Variants in FOXN3 observed in about 807,000 individuals in gnomAD.
FOXN3 encodes the protein forkhead box N3.
FOXN3 carries 7 observed loss-of-function variants against 38.4 expected under a neutral mutation model. That is an observed-to-expected ratio of 0.18 (90% CI 0.10 to 0.34). The LOEUF is 0.34. FOXN3 is among the 10% of genes least tolerant of loss of function. The pLI, the probability that FOXN3 is intolerant of heterozygous loss-of-function variation, is 1.00. For synonymous variants in FOXN3, 230 were observed against 242.2 expected, an observed-to-expected ratio of 0.95 and a Z score of 0.47; for missense variants, 456 against 613.4, an observed-to-expected ratio of 0.74 and a Z score of 2.71.
At chr14:89,277,286 C>T (rs887028763) in intron 4 of FOXN3, among the ~76,000 whole-genome samples, 1 of 152,190 alleles carries the variant, frequency 6.6e-6, no homozygotes, top group East Asian at 1.9e-4. Flanking sequence ...GGACACCTGT[C>T]AGCTGGCCAC....
At chr14:89,272,244 C>T (rs141699784) in intron 4 of FOXN3, among the ~76,000 whole-genome samples, 471 of 151,912 alleles carry the variant, frequency 3.1e-3, no homozygotes, top group African/African-American at 9.8e-3. Flanking sequence ...ACCCGGGAGG[C>T]GGAGGTTGCA....
At chr14:89,344,443 T>C (rs1412150468) in intron 3 of FOXN3, among the ~76,000 whole-genome samples, 4 of 152,162 alleles carry the variant, frequency 2.6e-5, no homozygotes, top group African/African-American at 4.8e-5. Context: ...CCATAAACCA[T>C]ACTGTTTGAT....
Position 89,229,921 on chromosome 14 carries a change from C to T in FOXN3, c.746-49115G>A, listed in dbSNP as rs951954486. 2.0e-5 allele frequency among the ~76,000 whole-genome samples: 3 copies of T among 152,210 alleles called. No individual in the cohort carries two copies. The South Asian group carries it at 6.2e-4, about 32-fold the overall frequency. On this transcript the variant is annotated intron_variant, in intron 4 of 5. Transcript: ENST00000557258. ...CTCAGGATGGCAGAAGTCCCTGGCTCCATGGCCCAGAATCCAAACAAAGCA... is the reference window on the plus strand; with the variant it reads ...CTCAGGATGGCAGAAGTCCCTGGCTTCATGGCCCAGAATCCAAACAAAGCA...
At chr14:89,188,832 A>C (rs996237021) in intron 4 of FOXN3, among the ~76,000 whole-genome samples, 2 of 151,794 alleles carry the variant, frequency 1.3e-5, no homozygotes, top group Non-Finnish European at 2.9e-5. Context: ...CCATCTAAGA[A>C]TGGAAGTTTA....
chr14:89,413,266 T>A (rs1891591549), intron 1 of FOXN3, among the ~76,000 whole-genome samples: 1 of 152,194 alleles, frequency 6.6e-6, no homozygotes, highest in African/African-American at 2.4e-5. Flanking sequence ...TAAAACAATA[T>A]GCTTGGTTTA....
intron 2 of FOXN3, among the ~76,000 whole-genome samples, chr14:89,374,389 C>T (rs922905588): frequency 1.3e-5 from 2 of 150,920 alleles, no homozygotes; most frequent in African/African-American, 4.9e-5. Flanking sequence ...AAGTTATACA[C>T]ATACTTGTAT....
intron 1 of FOXN3, among the ~76,000 whole-genome samples, chr14:89,476,482 A>G (rs1283560591): frequency 6.6e-6 from 1 of 152,248 alleles, no homozygotes; most frequent in Non-Finnish European, 1.5e-5. Flanking sequence ...GGGAGCTATG[A>G]GCTTTGAGCA....
chr14:89,232,696 C>A (rs1884851642), intron 4 of FOXN3, among the ~76,000 whole-genome samples: 1 of 152,182 alleles, frequency 6.6e-6, no homozygotes, highest in Admixed American at 6.5e-5. Flanking sequence ...GATGGAGCAA[C>A]CCCATTTCAG....
rs151099001 is a variant in FOXN3, at chr14:89,280,838, C to A, written c.745+112G>T. On this transcript the variant is annotated intron_variant, in intron 4 of 5. Transcript: ENST00000557258. ...ACAACAGTCACACTTCTCCAGAAAG[C>A]GGCCACTCCTAAACGGGACAGAACT... 13 of 791,218 alleles carry A rather than the reference C, an allele frequency of 1.6e-5. 1 individual carries two copies. The South Asian group carries it at 2.0e-4, about 12-fold the overall frequency. The allele number at this position is 791,218 out of a possible 1,614,324, so 49.0% of individuals were successfully genotyped here.
intron 2 of FOXN3, among the ~76,000 whole-genome samples, chr14:89,360,039 G>T (rs770765442): frequency 3.9e-4 from 60 of 152,196 alleles, no homozygotes; most frequent in Non-Finnish European, 8.8e-5. Context: ...ATATGCCACG[G>T]TCTCCCAGGA....
At chr14:89,439,347 T>A (rs1892331778) in intron 1 of FOXN3, among the ~76,000 whole-genome samples, 1 of 151,836 alleles carries the variant, frequency 6.6e-6, no homozygotes. Context: ...AAATGAGAGG[T>A]CAGCACAAGA....
At chr14:89,213,577 C>T (rs1046677240) in intron 4 of FOXN3, among the ~76,000 whole-genome samples, 2 of 152,158 alleles carry the variant, frequency 1.3e-5, no homozygotes, top group African/African-American at 4.8e-5. Flanking sequence ...TTTCTTGCAC[C>T]TTATCATTAT....
intron 4 of FOXN3, among the ~76,000 whole-genome samples, chr14:89,280,193 C>T (rs945856665): frequency 6.6e-6 from 1 of 152,164 alleles, no homozygotes; most frequent in Non-Finnish European, 1.5e-5. Context: ...AACAGATATC[C>T]AAAATAGCGA....
Position 89,159,670 on chromosome 14 carries a change from G to A in FOXN3, c.*2744C>T, listed in dbSNP as rs1353526645. On this transcript the variant is annotated 3_prime_UTR_variant, in exon 6 of 6. Coordinates refer to ENST00000557258, the MANE Select transcript of FOXN3 (RefSeq NM_005197.4). ...TGTTGAACCTCTGCCTTTCAGGAGA[G>A]AGGTCTGAATTTTATCATCTGTGGG... is the stretch of plus-strand genomic sequence containing the variant. The A allele has an allele frequency of 6.6e-6, 1 of 152,256 alleles. No homozygotes were observed. Among genetic ancestry groups the A allele is most frequent in the Non-Finnish European group, 1.5e-5 (1 of 68,086 alleles). 9.4% of individuals were successfully genotyped at this position (152,256 alleles called of 1,614,324 possible). A position where few individuals can be genotyped will look rare whatever the true frequency, so the allele number is the denominator to read the frequency against.
chr14:89,171,516 T>C (rs1237909502), intron 5 of FOXN3, among the ~76,000 whole-genome samples: 1 of 152,102 alleles, frequency 6.6e-6, no homozygotes, highest in Non-Finnish European at 1.5e-5. Context: ...AAATAAAACA[T>C]TAGCTTGGCA....
chr14:89,594,247 C>T (rs1038100326), intron 1 of FOXN3, among the ~76,000 whole-genome samples: 1 of 152,204 alleles, frequency 6.6e-6, no homozygotes, highest in Non-Finnish European at 1.5e-5. Flanking sequence ...TACTGACTTA[C>T]AGAATACGCA....
chr14:89,498,653 C>T (rs1349574959), intron 1 of FOXN3, among the ~76,000 whole-genome samples: 1 of 152,102 alleles, frequency 6.6e-6, no homozygotes, highest in Non-Finnish European at 1.5e-5. Flanking sequence ...TTTGGTCACG[C>T]TACTGTTGGG....
At chr14:89,411,497 T>C (rs1191716545) in intron 2 of FOXN3, among the ~76,000 whole-genome samples, 3 of 152,156 alleles carry the variant, frequency 2.0e-5, no homozygotes, top group Non-Finnish European at 4.4e-5. Flanking sequence ...ATTTCCCTTC[T>C]CCTAGTTCAT....
intron 1 of FOXN3, among the ~76,000 whole-genome samples, chr14:89,423,130 G>C (rs1411706366): frequency 6.6e-6 from 1 of 152,178 alleles, no homozygotes; most frequent in South Asian, 2.1e-4. Context: ...CCTCAGGGAG[G>C]AGTAGGTCTA....
Sources: allele counts gnomAD v4.1 joint callset (sites outside exome capture counted in the v4.1 genomes callset), GRCh38; gene constraint gnomAD v4.1.1; transcripts MANE v1.5; gene names NCBI Gene and HGNC (gene_info 2026-07-23, HGNC 2026-07-21).